The following HSPA12A variants were observed in gnomAD, a reference collection of about 807,000 sequenced individuals.
The protein encoded by HSPA12A is heat shock protein family A (Hsp70) member 12A, also known as heat shock 70 kDa protein 12A.
A neutral mutation model predicts 69.2 loss-of-function variants in HSPA12A; 28 were observed. That is an observed-to-expected ratio of 0.40 (90% confidence interval 0.30 to 0.55). The LOEUF is 0.55. Among genes scored for constraint, HSPA12A ranks in the 20% least tolerant of loss-of-function variants. The pLI is 0.38. For missense variants in HSPA12A, 686 were observed against 900.7 expected (o/e 0.76, Z 3.05); for synonymous variants, 345 against 370.5 (o/e 0.93, Z 0.79).
intron 1 of HSPA12A, among the ~76,000 whole-genome samples, chr10:116,843,724 C>T (rs1339275508): frequency 6.6e-6 from 1 of 152,184 alleles, no homozygotes; most frequent in Non-Finnish European, 1.5e-5. Context: ...CAGCGGTTTG[C>T]AACCTTGGCT....
chr10:116,806,373 T>G (rs1199105389), intron 2 of HSPA12A, among the ~76,000 whole-genome samples: 1 of 152,066 alleles, frequency 6.6e-6, no homozygotes, highest in Admixed American at 6.5e-5. Flanking sequence ...GCCCAGCTAA[T>G]TTTTGTATTT....
intron 2 of HSPA12A, among the ~76,000 whole-genome samples, chr10:116,764,783 C>T (rs1379724958): frequency 6.6e-6 from 1 of 152,012 alleles, no homozygotes; most frequent in Admixed American, 6.6e-5. Context: ...ACAAATAAAC[C>T]TTACTATCCA....
At chr10:116,676,677 A>C (rs1554877775) in intron 10 of HSPA12A, among the ~76,000 whole-genome samples, 175 bp from the exon 11 acceptor site, 3 of 152,168 alleles carry the variant, frequency 2.0e-5, no homozygotes, top group Non-Finnish European at 2.9e-5. Flanking sequence ...GGACCCTTAG[A>C]AGCTCAAAAG....
intron 2 of HSPA12A, chr10:116,830,347 ATTCT>A (rs1266245640): frequency 3.9e-5 from 6 of 152,138 alleles, no homozygotes; most frequent in African/African-American, 1.4e-4. Context: ...ACTGCAACTG[ATTCT>A]TTCTCCGCCT....
intron 2 of HSPA12A, among the ~76,000 whole-genome samples, chr10:116,767,328 G>A (rs980198567): frequency 1.3e-5 from 2 of 152,158 alleles, no homozygotes. Flanking sequence ...CAGGCACTGT[G>A]TTCATCCCCC....
intron 2 of HSPA12A, among the ~76,000 whole-genome samples, chr10:116,790,199 G>T (rs1844674283): frequency 6.7e-6 from 1 of 148,504 alleles, no homozygotes; most frequent in East Asian, 2.0e-4. Context: ...CGCCCTGGGG[G>T]TTCACGCCAT....
chr10:116,757,455 C>G, intron 2 of HSPA12A, among the ~76,000 whole-genome samples: 1 of 152,168 alleles, frequency 6.6e-6, no homozygotes, highest in East Asian at 1.9e-4. Context: ...CCCAAGGTCA[C>G]CTGACTTCCC....
At chr10:116,733,275 GT>G in intron 1 of HSPA12A, among the ~76,000 whole-genome samples, 1 of 152,294 alleles carries the variant, frequency 6.6e-6, no homozygotes, top group Non-Finnish European at 1.5e-5. Context: ...GGCCAGAGGA[GT>G]TTAGCCTTCA....
At chr10:116,776,588 T>C (rs10490911) in intron 2 of HSPA12A, among the ~76,000 whole-genome samples, 2,887 of 152,290 alleles carry the variant, frequency 0.019, 60 homozygotes, top group East Asian at 0.12. Context: ...AAAGCCTAAT[T>C]TGATCGTCAA....
intron 1 of HSPA12A, among the ~76,000 whole-genome samples, chr10:116,712,199 A>T (rs1554883181): frequency 6.6e-6 from 1 of 152,208 alleles, no homozygotes; most frequent in Non-Finnish European, 1.5e-5. Context: ...AGTGAGCAGA[A>T]AATCTTTTTT....
At chr10:116,685,262 G>A (rs782245493) in intron 6 of HSPA12A, among the ~76,000 whole-genome samples, 18 of 152,122 alleles carry the variant, frequency 1.2e-4, no homozygotes, top group Non-Finnish European at 2.4e-4. Context: ...CTCATCAGGC[G>A]AAGTCGGCCT....
intron 5 of HSPA12A, among the ~76,000 whole-genome samples, chr10:116,693,474 C>T (rs541796632): frequency 2.5e-4 from 38 of 152,348 alleles, no homozygotes; most frequent in African/African-American, 8.2e-4. Context: ...TGAGGGAATG[C>T]TGGCCCAAAG....
Position 116,683,828 on chromosome 10 carries a change from G to A in HSPA12A, c.798C>T (p.Tyr266=), listed in dbSNP as rs782420092. 4.4e-6 allele frequency: 7 copies of A among 1,592,428 alleles called. No homozygotes were observed. The highest frequency in any genetic ancestry group is 6.0e-6 in the Non-Finnish European group (7 of 1,162,842). ...ELSSKAAVNG[Y]SGSDTVGAGF... ...CAGCTCCTACTGTGTCACTGCCGCT[G>A]TACCCATTGACGGCTGCCTTGCTGC... The change falls in exon 7 of 12, where the codon TAC becomes TAT. Residue 266 remains tyrosine, a synonymous_variant. Coordinates refer to ENST00000369209, the MANE Select transcript of HSPA12A (RefSeq NM_025015.3).
At chr10:116,739,742 T>C (rs1851422246) in intron 1 of HSPA12A, among the ~76,000 whole-genome samples, 1 of 152,172 alleles carries the variant, frequency 6.6e-6, no homozygotes, top group East Asian at 1.9e-4. Context: ...ATTTTGTAAA[T>C]TAAGTAATTT....
upstream of HSPA12A, chr10:116,849,844 C>T: frequency 3.2e-6 from 4 of 1,249,348 alleles, no homozygotes; most frequent in Non-Finnish European, 4.4e-6. Flanking sequence ...GCCAGCCGCC[C>T]GGGCCCTGGG....
In HSPA12A at chr10:116,763,992, T is replaced by TG. The variant is rs527962586; in HGVS notation, c.92-56708dup. Among the ~76,000 whole-genome samples the TG allele has an allele frequency of 1.5e-4, 23 of 151,906 alleles. No individual in the cohort carries two copies. In the South Asian group the frequency reaches 3.3e-3, roughly 22 times the overall value. On this transcript the variant is annotated intron_variant, in intron 2 of 12. Coordinates refer to the HSPA12A transcript ENST00000635765. ...GCCTCTCTCACTTCCCTGCAACCTT[T>TG]GGGGGGGTGTTCCAGGAAGTCTATG...
intron 2 of HSPA12A, among the ~76,000 whole-genome samples, chr10:116,796,483 C>T (rs574805383): frequency 3.9e-5 from 6 of 152,122 alleles, no homozygotes; most frequent in Non-Finnish European, 5.9e-5. Context: ...CTGGACCCCA[C>T]GCTGTCCCTG....
At chr10:116,682,224 C>T (rs1849429293) in intron 7 of HSPA12A, among the ~76,000 whole-genome samples, 1 of 152,194 alleles carries the variant, frequency 6.6e-6, no homozygotes, top group African/African-American at 2.4e-5. Flanking sequence ...CGCCACTGCA[C>T]TCCAACTTGG....
In HSPA12A at chr10:116,680,136, C is replaced by T. The variant is rs568557332; in HGVS notation, c.1028-375G>A. Reference sequence around the variant, plus strand: ...CTCCCGAGTAGCTGAGATACAGGCACGCACCACCATGCCCGGCTAATTTTT... The same window carrying T: ...CTCCCGAGTAGCTGAGATACAGGCATGCACCACCATGCCCGGCTAATTTTT... On this transcript the variant is annotated intron_variant, in intron 9 of 11. Coordinates refer to ENST00000369209, the MANE Select transcript of HSPA12A (RefSeq NM_025015.3). Among the ~76,000 whole-genome samples, 482 of 152,098 alleles carry T rather than the reference C, an allele frequency of 3.2e-3. 4 individuals carry two copies. Among genetic ancestry groups the T allele is most frequent in the African/African-American group, 0.011 (463 of 41,472 alleles).
Sources: allele counts gnomAD v4.1 joint callset (sites outside exome capture counted in the v4.1 genomes callset), GRCh38; gene constraint gnomAD v4.1.1; transcripts MANE v1.5; gene names NCBI Gene and HGNC (gene_info 2026-07-23, HGNC 2026-07-21).